The following NELL1 variants were observed in gnomAD, a reference collection of about 807,000 sequenced individuals.
NELL1 encodes the protein protein kinase C-binding protein NELL1.
NELL1 carries 76 observed loss-of-function variants against 107.4 expected under a neutral mutation model. That is an observed-to-expected ratio of 0.71 (90% CI 0.59 to 0.86). The LOEUF (loss-of-function observed/expected upper bound fraction) is 0.86. Among genes scored for constraint, NELL1 ranks in the 40% least tolerant of loss-of-function variants. NELL1 has a pLI of 0.00. For synonymous variants in NELL1, 353 were observed against 341.2 expected (o/e 1.03, Z -0.38); for missense variants, 1,024 against 1,005.5 (o/e 1.02, Z -0.25).
At chr11:21,494,808 AACATTGTTTTCATTG>A (rs1330126114) in intron 15 of NELL1, among the ~76,000 whole-genome samples, 1 of 151,976 alleles carries the variant, frequency 6.6e-6, no homozygotes, top group African/African-American at 2.4e-5. Context: ...AAATCTTATA[AACATTGTTTTCATTG>A]AAAAAAACAA....
At chr11:21,436,311 C>T (rs562688876) in intron 15 of NELL1, among the ~76,000 whole-genome samples, 15 of 152,290 alleles carry the variant, frequency 9.8e-5, no homozygotes, top group African/African-American at 3.6e-4. Flanking sequence ...CCTCAGCCTC[C>T]TGAAGTGCTG....
At chr11:20,755,550 G>GTTTTTTTTTTTTTTTTTTTTTTTT (rs1226891368) in intron 2 of NELL1, among the ~76,000 whole-genome samples, 18 of 114,540 alleles carry the variant, frequency 1.6e-4, no homozygotes, top group African/African-American at 8.0e-4. Context: ...GTTTTTTTTT[G>GTTTTTTTTTTTTTTTTTTTTTTTT]TTTTTGTTTT....
At chr11:21,169,664 T>C in intron 13 of NELL1, 1 of 492,404 alleles carries the variant, frequency 2.0e-6, no homozygotes, top group Non-Finnish European at 3.5e-6. Context: ...AACCCCTTCC[T>C]TACTCCATAT....
chr11:21,046,056 C>G (rs902666958), intron 12 of NELL1, among the ~76,000 whole-genome samples: 1 of 152,136 alleles, frequency 6.6e-6, no homozygotes, highest in Admixed American at 6.6e-5. Flanking sequence ...TACTTTATAT[C>G]TGTCTTTATT....
At chr11:20,936,924 C>A (rs1012512433) in intron 9 of NELL1, among the ~76,000 whole-genome samples, 2 of 152,068 alleles carry the variant, frequency 1.3e-5, no homozygotes, top group African/African-American at 2.4e-5. Context: ...TCTTAGAGTG[C>A]GTATTATTGC....
chr11:21,276,297 A>G lies in NELL1; in HGVS notation c.1549+46843A>G, dbSNP rs566162140. On this transcript the variant is annotated intron_variant, in intron 14 of 19. Transcript: ENST00000357134. Reference sequence around the variant, plus strand: ...AATCATGAGTGAACTCCCATTCACAATTGCTTCAAAGAGAATAAAATACCT... The same window carrying G: ...AATCATGAGTGAACTCCCATTCACAGTTGCTTCAAAGAGAATAAAATACCT... Among the ~76,000 whole-genome samples, 117 of 152,332 alleles carry G rather than the reference A, an allele frequency of 7.7e-4. 1 individual carries two copies. The highest frequency in any genetic ancestry group is 2.7e-3 in the African/African-American group (113 of 41,580).
At chr11:21,396,204 AGG>A (rs1851977076) in intron 15 of NELL1, among the ~76,000 whole-genome samples, 1 of 151,536 alleles carries the variant, frequency 6.6e-6, no homozygotes, top group Non-Finnish European at 1.5e-5. Flanking sequence ...AAAAATCTAC[AGG>A]GCACTAATCT....
chr11:21,333,731 T>G (rs1302173422), intron 14 of NELL1, among the ~76,000 whole-genome samples: 1 of 152,038 alleles, frequency 6.6e-6, no homozygotes, highest in Non-Finnish European at 1.5e-5. Flanking sequence ...GGAGACCTAG[T>G]AGTGATTGTG....
chr11:21,243,241 C>A (rs79219280), intron 14 of NELL1, among the ~76,000 whole-genome samples: 1,755 of 152,176 alleles, frequency 0.012, 44 homozygotes, highest in African/African-American at 0.041. Flanking sequence ...CTAAGGTATA[C>A]TTCTTGTAGG....
At chr11:21,335,691 C>T (rs1370065911) in intron 14 of NELL1, among the ~76,000 whole-genome samples, 1 of 152,024 alleles carries the variant, frequency 6.6e-6, no homozygotes, top group Non-Finnish European at 1.5e-5. Flanking sequence ...GTCCTTTCCC[C>T]ACCCTCTAAA....
intron 15 of NELL1, among the ~76,000 whole-genome samples, chr11:21,454,681 C>T (rs965110395): frequency 6.6e-6 from 1 of 152,132 alleles, no homozygotes; most frequent in East Asian, 1.9e-4. Context: ...CTGGAAAGTC[C>T]AAGATCAAGT....
At chr11:21,451,140 T>C (rs1853568155) in intron 15 of NELL1, among the ~76,000 whole-genome samples, 1 of 136,258 alleles carries the variant, frequency 7.3e-6, no homozygotes, top group Non-Finnish European at 1.5e-5. Context: ...TAAGCCGAGA[T>C]CGCGCCGCTG....
intron 15 of NELL1, among the ~76,000 whole-genome samples, chr11:21,477,961 A>C (rs1204774450): frequency 1.3e-5 from 2 of 151,222 alleles, no homozygotes; most frequent in Non-Finnish European, 2.9e-5. Context: ...TGTAATTGAC[A>C]TATAGAAAAA....
chr11:21,340,620 T>TACAC (rs71034506), intron 14 of NELL1, among the ~76,000 whole-genome samples: 2,600 of 141,760 alleles, frequency 0.018, 35 homozygotes, highest in East Asian at 0.033. Context: ...TATGACGGGT[T>TACAC]ACACACACAC....
At chr11:21,384,155 C>T (rs1026915723) in intron 15 of NELL1, among the ~76,000 whole-genome samples, 1 of 151,958 alleles carries the variant, frequency 6.6e-6, no homozygotes, top group Non-Finnish European at 1.5e-5. Flanking sequence ...ACCTCTAACT[C>T]ATCCTCCTTC....
At chr11:21,472,284 C>T (rs1039815701) in intron 15 of NELL1, among the ~76,000 whole-genome samples, 3 of 152,032 alleles carry the variant, frequency 2.0e-5, no homozygotes, top group African/African-American at 7.2e-5. Flanking sequence ...CCCTCCTCTG[C>T]CTCCAGCTCA....
intron 16 of NELL1, among the ~76,000 whole-genome samples, chr11:21,543,995 C>T (rs1856365016): frequency 6.6e-6 from 1 of 151,936 alleles, no homozygotes; most frequent in African/African-American, 2.4e-5. Context: ...CCATTATGAA[C>T]CTGTCTATTA....
chr11:21,029,111 C>A (rs929372351), intron 12 of NELL1, among the ~76,000 whole-genome samples: 2 of 151,990 alleles, frequency 1.3e-5, no homozygotes. Flanking sequence ...TCTTTGTAAC[C>A]GTCTTGTTTG....
At chr11:21,539,719 A>G (rs1347475785) in intron 16 of NELL1, among the ~76,000 whole-genome samples, 2 of 151,104 alleles carry the variant, frequency 1.3e-5, no homozygotes, top group African/African-American at 2.4e-5. Context: ...TTCTATGGGT[A>G]CAGGATACCC....
Sources: allele counts gnomAD v4.1 joint callset (sites outside exome capture counted in the v4.1 genomes callset), GRCh38; gene constraint gnomAD v4.1.1; transcripts MANE v1.5; gene names NCBI Gene and HGNC (gene_info 2026-07-23, HGNC 2026-07-21).